Variants in PCDH15 observed in about 807,000 individuals in gnomAD.
PCDH15 encodes protocadherin-15.
A neutral mutation model predicts 178.5 loss-of-function variants in PCDH15; 129 were observed. The observed-to-expected ratio is 0.72, with a 90% CI of 0.63 to 0.84. The LOEUF (loss-of-function observed/expected upper bound fraction) is 0.84. PCDH15 is among the 40% of genes least tolerant of loss of function. The pLI, the probability that PCDH15 is intolerant of heterozygous loss-of-function variation, is 0.00. For synonymous variants in PCDH15, 800 were observed against 732.0 expected (o/e 1.09, Z -1.50); for missense variants, 2,230 against 2,099.9 (o/e 1.06, Z -1.21).
chr10:54,375,525 T>C (rs1948262107), intron 4 of PCDH15, among the ~76,000 whole-genome samples: 1 of 152,014 alleles, frequency 6.6e-6, no homozygotes, highest in Non-Finnish European at 1.5e-5. Context: ...GGAAATCATT[T>C]GAAGGCATTG....
intron 2 of PCDH15, among the ~76,000 whole-genome samples, chr10:55,149,900 T>C (rs1838650133): frequency 6.6e-6 from 1 of 152,040 alleles, no homozygotes; most frequent in Admixed American, 6.6e-5. Context: ...CATATTGGAT[T>C]ACAATTATTA....
chr10:54,876,239 C>A (rs1304370868), intron 3 of PCDH15, among the ~76,000 whole-genome samples: 1 of 152,018 alleles, frequency 6.6e-6, no homozygotes, highest in Admixed American at 6.6e-5. Context: ...AGATCTACTT[C>A]ACAGAAAAAA....
At chr10:54,370,789 C>T (rs1231701684) in intron 4 of PCDH15, among the ~76,000 whole-genome samples, 1 of 151,694 alleles carries the variant, frequency 6.6e-6, no homozygotes, top group Non-Finnish European at 1.5e-5. Flanking sequence ...ATGCACGACA[C>T]ATTTGTAAAT....
intron 2 of PCDH15, among the ~76,000 whole-genome samples, chr10:55,128,783 T>A (rs763464113): frequency 6.6e-6 from 1 of 152,102 alleles, no homozygotes; most frequent in Non-Finnish European, 1.5e-5. Context: ...TGATGAGAGC[T>A]GTGAAGGCAG....
At chr10:55,536,505 C>T (rs1026808996) in intron 2 of PCDH15, among the ~76,000 whole-genome samples, 2 of 152,072 alleles carry the variant, frequency 1.3e-5, no homozygotes, top group Non-Finnish European at 2.9e-5. Context: ...ATATCAGTAG[C>T]ATTTGTATAT....
At chr10:54,699,924 A>G (rs147244144) in intron 1 of PCDH15, among the ~76,000 whole-genome samples, 258 of 152,184 alleles carry the variant, frequency 1.7e-3, no homozygotes, top group African/African-American at 5.9e-3. Flanking sequence ...CTATGCCTTA[A>G]TGATTATATT....
intron 2 of PCDH15, among the ~76,000 whole-genome samples, chr10:55,330,365 A>G (rs1003762778): frequency 1.3e-5 from 2 of 151,844 alleles, no homozygotes; most frequent in Non-Finnish European, 3.0e-5. Flanking sequence ...CCACTTTAAC[A>G]GATGTAAAGA....
At chr10:55,395,747 T>C (rs2488834) in intron 2 of PCDH15, among the ~76,000 whole-genome samples, 38,393 of 151,888 alleles carry the variant, frequency 0.25, 5,660 homozygotes, top group African/African-American at 0.41. Context: ...ATAAAAGCAC[T>C]AGTGAATCTG....
chr10:54,479,240 A>T (rs995017291), intron 3 of PCDH15, among the ~76,000 whole-genome samples: 1 of 151,930 alleles, frequency 6.6e-6, no homozygotes, highest in African/African-American at 2.4e-5. Flanking sequence ...TACTAGTTTG[A>T]ATGGTCCTAA....
intron 3 of PCDH15, among the ~76,000 whole-genome samples, chr10:54,404,428 C>T (rs1292017101): frequency 2.0e-5 from 3 of 152,030 alleles, no homozygotes; most frequent in Non-Finnish European, 4.4e-5. Context: ...GGAAAGGACT[C>T]CCTATTTAGT....
At chr10:55,168,493 C>T (rs2132120576) in intron 1 of PCDH15, among the ~76,000 whole-genome samples, 1 of 152,280 alleles carries the variant, frequency 6.6e-6, no homozygotes, top group Middle Eastern at 3.4e-3. Context: ...TAGCATCAAA[C>T]ACCAGAAATA....
At chr10:55,472,401 T>A (rs1255842666) in intron 2 of PCDH15, among the ~76,000 whole-genome samples, 3 of 151,970 alleles carry the variant, frequency 2.0e-5, no homozygotes, top group Admixed American at 6.6e-5. Context: ...TCAATTTTCA[T>A]TTTATGTATG....
At position 54,406,439 on chromosome 10, in the gene PCDH15, G is replaced by A. The variant is rs184524872; in HGVS notation, c.158-27497C>T. 2.8e-4 allele frequency among the ~76,000 whole-genome samples: 43 copies of A among 152,174 alleles called. No individual in the cohort carries two copies. In the East Asian group the frequency reaches 8.1e-3, roughly 29 times the overall value. On this transcript the variant is annotated intron_variant, in intron 3 of 37. Transcript: ENST00000644397. ...TTCAGGCCTTGTGGGACACATATGAGGTGTCTGTCACTTTTTGCCCCTCTT... is the reference window on the plus strand; with the variant it reads ...TTCAGGCCTTGTGGGACACATATGAAGTGTCTGTCACTTTTTGCCCCTCTT...
chr10:55,432,641 A>G (rs1838910999), intron 2 of PCDH15, among the ~76,000 whole-genome samples: 1 of 152,146 alleles, frequency 6.6e-6, no homozygotes, highest in Non-Finnish European at 1.5e-5. Context: ...CTGATATAAA[A>G]CATACCATTT....
rs1227368370 is a variant in PCDH15, at chr10:54,162,994, A to G, written c.1591-9701T>C. On this transcript the variant is annotated intron_variant, in intron 13 of 37. Transcript: ENST00000644397. Reference sequence around the variant, plus strand: ...AATATAAACAAACGTTTATGGAATCAGTATTGTAAACAAGAAGGTGAACAG... The same window carrying G: ...AATATAAACAAACGTTTATGGAATCGGTATTGTAAACAAGAAGGTGAACAG... Among the ~76,000 whole-genome samples, 3 of 152,272 alleles carry G rather than the reference A, an allele frequency of 2.0e-5. No individual in the cohort carries two copies. The East Asian group carries it at 5.8e-4, about 29-fold the overall frequency.
At chr10:55,036,242 T>G (rs80293458) in intron 2 of PCDH15, among the ~76,000 whole-genome samples, 2,649 of 152,264 alleles carry the variant, frequency 0.017, 76 homozygotes, top group African/African-American at 0.06. Flanking sequence ...ATTCTTGGAC[T>G]TCCCAGCCTC....
intron 2 of PCDH15, among the ~76,000 whole-genome samples, chr10:55,575,096 A>G (rs1842472495): frequency 6.6e-6 from 1 of 152,078 alleles, no homozygotes; most frequent in African/African-American, 2.4e-5. Flanking sequence ...TCTGGTCCTA[A>G]GGATTGCAGT....
At chr10:55,428,134 AAGTGTTTGACCTAATCAATT>A (rs1021712811) in intron 2 of PCDH15, among the ~76,000 whole-genome samples, 18 of 152,018 alleles carry the variant, frequency 1.2e-4, no homozygotes, top group Non-Finnish European at 1.3e-4. Context: ...CTGTAGAATG[AAGTGTTTGACCTAATCAATT>A]AGTGTTTGAC....
At chr10:53,875,835 C>A (rs1564659438) in intron 26 of PCDH15, among the ~76,000 whole-genome samples, 1 of 151,962 alleles carries the variant, frequency 6.6e-6, no homozygotes, top group African/African-American at 2.4e-5. Context: ...GTAGGGGAGA[C>A]CATTAATTTT....
Sources: gnomAD v4.1 joint callset for allele counts (sites outside exome capture counted in the v4.1 genomes callset) on GRCh38, gnomAD v4.1.1 for gene constraint, MANE v1.5 for transcripts, NCBI Gene and HGNC (gene_info 2026-07-23, HGNC 2026-07-21) for gene names.